The following ZNF385B variants were observed in gnomAD, a reference collection of about 807,000 sequenced individuals.
ZNF385B encodes zinc finger protein 385B, also known as zinc finger protein 533.
In ZNF385B, 23 loss-of-function variants were observed where a neutral mutation model predicts 39.2. That is an observed-to-expected ratio of 0.59 (90% CI 0.42 to 0.83). The LOEUF (loss-of-function observed/expected upper bound fraction) is 0.83. Ranked by LOEUF, ZNF385B falls within the 40% of genes least tolerant of loss-of-function variation. The pLI is 0.00. For missense variants in ZNF385B, 552 were observed against 598.9 expected (o/e 0.92, Z 0.82); for synonymous variants, 205 against 222.6 (o/e 0.92, Z 0.70).
chr2:179,595,796 G>C (rs765620834), intron 3 of ZNF385B, among the ~76,000 whole-genome samples: 1 of 149,162 alleles, frequency 6.7e-6, no homozygotes, highest in Non-Finnish European at 1.5e-5. Flanking sequence ...GCACGTTATC[G>C]CACCATTGCG....
Position 179,455,125 on chromosome 2 carries a change from C to T in ZNF385B, c.716-8355G>A, listed in dbSNP as rs569456689. Among the ~76,000 whole-genome samples, 21 of 152,122 alleles carry T rather than the reference C, an allele frequency of 1.4e-4. No individual in the cohort carries two copies. In the South Asian group the frequency reaches 4.4e-3, roughly 32 times the overall value. ...TGGTAAATGCTCTATACAAGTATGCCATTTTTTTATCTTTTATACAATATT... is the reference window on the plus strand; with the variant it reads ...TGGTAAATGCTCTATACAAGTATGCTATTTTTTTATCTTTTATACAATATT... On this transcript the variant is annotated intron_variant, in intron 6 of 9. Coordinates refer to ENST00000410066, the MANE Select transcript of ZNF385B (RefSeq NM_152520.6).
chr2:179,717,308 T>C (rs1225974546), intron 3 of ZNF385B, among the ~76,000 whole-genome samples: 2 of 152,196 alleles, frequency 1.3e-5, no homozygotes, highest in East Asian at 1.9e-4. Flanking sequence ...TTTGAGGAGA[T>C]AGACACCAAT....
chr2:179,746,207 AATCATCT>A (rs1391071964), intron 3 of ZNF385B, among the ~76,000 whole-genome samples: 1 of 152,192 alleles, frequency 6.6e-6, no homozygotes, highest in Non-Finnish European at 1.5e-5. Context: ...TGGAATAAAG[AATCATCT>A]ATTGAAATTG....
chr2:179,564,893 C>T (rs1204370223), intron 3 of ZNF385B, among the ~76,000 whole-genome samples: 2 of 152,132 alleles, frequency 1.3e-5, no homozygotes, highest in Non-Finnish European at 2.9e-5. Flanking sequence ...ACCTCACTCC[C>T]TAAAGGATAT....
intron 1 of ZNF385B, among the ~76,000 whole-genome samples, chr2:179,838,086 G>C (rs111622466): frequency 1.2e-4 from 18 of 152,130 alleles, no homozygotes; most frequent in African/African-American, 4.1e-4. Context: ...TCAAGGCCCA[G>C]TGTAGAAAAA....
chr2:179,587,166 C>A lies in ZNF385B; in HGVS notation c.299-42197G>T, dbSNP rs984666456. 3.9e-5 allele frequency among the ~76,000 whole-genome samples: 6 copies of A among 152,300 alleles called. No homozygotes were observed. The East Asian group carries it at 1.2e-3, about 29-fold the overall frequency. On this transcript the variant is annotated intron_variant, in intron 3 of 9. Coordinates refer to ENST00000410066, the MANE Select transcript of ZNF385B (RefSeq NM_152520.6). ...AGGTATTTTTAAAGGCCTTCAAAATCTTTAAATACATACCAGCTGAAGACA... is the reference window on the plus strand; with the variant it reads ...AGGTATTTTTAAAGGCCTTCAAAATATTTAAATACATACCAGCTGAAGACA...
At chr2:179,564,824 C>T (rs1312093508) in intron 3 of ZNF385B, among the ~76,000 whole-genome samples, 1 of 152,162 alleles carries the variant, frequency 6.6e-6, no homozygotes. Flanking sequence ...ATTGGCACCT[C>T]AAGTTCAACT....
chr2:179,479,425 A>G (rs1427181639), intron 6 of ZNF385B, among the ~76,000 whole-genome samples: 1 of 152,198 alleles, frequency 6.6e-6, no homozygotes, highest in Non-Finnish European at 1.5e-5. Flanking sequence ...CTCCAAAAGT[A>G]ACATAAAAGA....
chr2:179,791,680 G>A (rs564711192), intron 1 of ZNF385B, among the ~76,000 whole-genome samples: 12 of 152,206 alleles, frequency 7.9e-5, no homozygotes, highest in African/African-American at 2.2e-4. Flanking sequence ...CATTGGAAGC[G>A]GAAACAAAAA....
At chr2:179,753,476 A>G (rs575477733) in intron 3 of ZNF385B, among the ~76,000 whole-genome samples, 38 of 152,210 alleles carry the variant, frequency 2.5e-4, no homozygotes, top group Non-Finnish European at 5.0e-4. Flanking sequence ...TCTGTGAAGA[A>G]AGTCACTGGT....
chr2:179,626,535 C>G (rs1482941423), intron 3 of ZNF385B, among the ~76,000 whole-genome samples: 2 of 152,122 alleles, frequency 1.3e-5, no homozygotes, highest in East Asian at 3.8e-4. Flanking sequence ...ATACGTAAAT[C>G]AAATTTCAAA....
At chr2:179,634,945 T>C (rs1409727619) in intron 3 of ZNF385B, among the ~76,000 whole-genome samples, 3 of 139,696 alleles carry the variant, frequency 2.1e-5, no homozygotes, top group Non-Finnish European at 3.0e-5. Flanking sequence ...CTGGCTAACA[T>C]GGTGATACCC....
intron 6 of ZNF385B, among the ~76,000 whole-genome samples, chr2:179,456,484 A>T (rs2050721032): frequency 6.6e-6 from 1 of 152,202 alleles, no homozygotes; most frequent in South Asian, 2.1e-4. Context: ...TTTGTACCTC[A>T]ACGTAATTTT....
At chr2:179,706,791 C>T (rs1336789538) in intron 3 of ZNF385B, among the ~76,000 whole-genome samples, 7 of 152,146 alleles carry the variant, frequency 4.6e-5, no homozygotes, top group Admixed American at 4.6e-4. Flanking sequence ...GGGGATTGGT[C>T]AGTTACAAGA....
intron 6 of ZNF385B, among the ~76,000 whole-genome samples, chr2:179,449,643 G>T (rs2105569862): frequency 6.6e-6 from 1 of 152,230 alleles, no homozygotes; most frequent in African/African-American, 2.4e-5. Context: ...TCATGGGTAG[G>T]AAGAATCAAT....
intron 3 of ZNF385B, among the ~76,000 whole-genome samples, chr2:179,642,807 T>G (rs562339099): frequency 6.6e-6 from 1 of 152,164 alleles, no homozygotes; most frequent in African/African-American, 2.4e-5. Context: ...AGAATGTCCT[T>G]GGATAAAGTA....
intron 6 of ZNF385B, among the ~76,000 whole-genome samples, chr2:179,460,206 G>A (rs2051173127): frequency 6.6e-6 from 1 of 151,934 alleles, no homozygotes; most frequent in Non-Finnish European, 1.5e-5. Context: ...GTCAGCTCAG[G>A]CCTATCTGAA....
At chr2:179,472,593 C>A (rs1335923266) in intron 6 of ZNF385B, among the ~76,000 whole-genome samples, 1 of 152,112 alleles carries the variant, frequency 6.6e-6, no homozygotes, top group Non-Finnish European at 1.5e-5. Flanking sequence ...TTTTTAGAAG[C>A]TAAGTAATTA....
intron 5 of ZNF385B, among the ~76,000 whole-genome samples, chr2:179,507,408 A>G (rs1194191837): frequency 6.6e-6 from 1 of 152,112 alleles, no homozygotes; most frequent in East Asian, 1.9e-4. Context: ...TTCTCAGTTT[A>G]CCTCCACCAG....
Sources: gnomAD v4.1 joint callset for allele counts (sites outside exome capture counted in the v4.1 genomes callset) on GRCh38, gnomAD v4.1.1 for gene constraint, MANE v1.5 for transcripts, NCBI Gene and HGNC (gene_info 2026-07-23, HGNC 2026-07-21) for gene names.